LRRC56: variants seen among roughly 807,000 people sequenced by gnomAD.
The protein encoded by LRRC56 is leucine-rich repeat-containing protein 56.
In LRRC56, 41 loss-of-function variants were observed where a neutral mutation model predicts 47.8. The observed-to-expected ratio is 0.86, with a 90% CI of 0.67 to 1.11. The LOEUF (loss-of-function observed/expected upper bound fraction) is 1.11. LRRC56 is among the 50% of genes most tolerant of loss of function. The pLI, the probability that LRRC56 is intolerant of heterozygous loss-of-function variation, is 0.00. For synonymous variants in LRRC56, 387 were observed against 311.2 expected, an observed-to-expected ratio of 1.24 and a Z score of -2.56; for missense variants, 759 against 704.2, an observed-to-expected ratio of 1.08 and a Z score of -0.88.
chr11:510,367 C>T, the LRRC56 span, among the ~76,000 whole-genome samples: 214 of 151,982 alleles, frequency 1.4e-3, 3 homozygotes, highest in East Asian at 2.3e-3. Flanking sequence ...GTTGGGAGGC[C>T]GAGGCAGGCG....
the LRRC56 span, among the ~76,000 whole-genome samples, chr11:517,562 C>G: frequency 1.3e-5 from 2 of 150,338 alleles, no homozygotes; most frequent in Non-Finnish European, 3.0e-5. Context: ...TCTGCCCGGC[C>G]GTCCCATCTG....
At chr11:520,577 C>A in the LRRC56 span, among the ~76,000 whole-genome samples, 1 of 152,142 alleles carries the variant, frequency 6.6e-6, no homozygotes, top group Admixed American at 6.5e-5. Flanking sequence ...CCTCAGCCTC[C>A]CAAAGTCCTG....
chr11:541,446 C>T lies in LRRC56; in HGVS notation c.178-91C>T, dbSNP rs996975718. The T allele has an allele frequency of 5.8e-6, 4 of 693,496 alleles. No homozygotes were observed. The highest frequency in any genetic ancestry group is 6.4e-5 in the Admixed American group (2 of 31,048). 43.0% of individuals were successfully genotyped at this position (693,496 alleles called of 1,614,324 possible). A position where few individuals can be genotyped will look rare whatever the true frequency, so the allele number is the denominator to read the frequency against. ...AGGGAAACGTCGGTGCCTGCTCCAG[C>T]GGGAGCCCCAGAGTCCTGTAGCCAG... On this transcript the variant is annotated intron_variant, in intron 4 of 13. Transcript: ENST00000270115. The surrounding 1 kb of genome is among the most constrained non-coding windows in gnomAD (Gnocchi z 4.1).
chr11:527,938 G>A, the LRRC56 span, among the ~76,000 whole-genome samples: 1 of 152,042 alleles, frequency 6.6e-6, no homozygotes, highest in East Asian at 1.9e-4. Flanking sequence ...CTGACCTCAG[G>A]TGATCCGCCC....
the LRRC56 span, among the ~76,000 whole-genome samples, chr11:509,893 A>G: frequency 6.6e-6 from 1 of 151,622 alleles, no homozygotes; most frequent in African/African-American, 2.4e-5. Context: ...TCTTATTTTT[A>G]AACTTACTCA....
the LRRC56 span, among the ~76,000 whole-genome samples, chr11:526,607 G>C: frequency 4.6e-5 from 7 of 152,318 alleles, no homozygotes; most frequent in African/African-American, 1.7e-4. Flanking sequence ...ATATTCTTTA[G>C]CAGGTGAACA....
chr11:507,383 C>T, the LRRC56 span: 7 of 148,680 alleles, frequency 4.7e-5, no homozygotes, highest in East Asian at 1.4e-3. Flanking sequence ...AGTCTTGGCG[C>T]AGCGGCGGGG....
At chr11:524,644 T>A in the LRRC56 span, among the ~76,000 whole-genome samples, 17 of 151,400 alleles carry the variant, frequency 1.1e-4, no homozygotes, top group East Asian at 3.9e-4. Context: ...AAAAATAAAT[T>A]AATTAATTAA....
chr11:532,508 T>C, the LRRC56 span: 9 of 1,292,804 alleles, frequency 7.0e-6, no homozygotes, highest in South Asian at 6.6e-5. Flanking sequence ...GGCACCTCCA[T>C]GTCCTGAGCT....
In LRRC56 at chr11:554,260, GC is replaced by G; in HGVS notation, c.1617del (p.Val540SerfsTer140). ...AGGGCAGCTGAACTCTCTCACCCCA[GC>G]CCCGTCCCCACTTAATATAGCCCCC... ...PPRAAELSHPSPVPT is the reference protein window; with the variant it reads ...PPRAAELSHPXPVPT On this transcript the variant is annotated frameshift_variant, in exon 14 of 14. Coordinates refer to ENST00000270115, the MANE Select transcript of LRRC56 (RefSeq NM_198075.4). LOFTEE classifies it high-confidence loss of function. 6.7e-7 allele frequency: 1 copy of G among 1,494,812 alleles called. No individual in the cohort carries two copies. The allele number at this position is 1,494,812 out of a possible 1,614,324, so 92.6% of individuals were successfully genotyped here. A position where few individuals can be genotyped will look rare whatever the true frequency, so the allele number is the denominator to read the frequency against.
intron 5 of LRRC56, among the ~76,000 whole-genome samples, chr11:542,922 G>T (rs1433418458): frequency 1.3e-5 from 2 of 151,700 alleles, no homozygotes; most frequent in Admixed American, 1.3e-4. Context: ...TTGAGATGGA[G>T]TCTCATTCTG....
At position 550,198 on chromosome 11, in the gene LRRC56, T is replaced by C; in HGVS notation, c.550T>C (p.Cys184Arg). The change falls in exon 8 of 14, where the codon TGC (cysteine) becomes CGC (arginine). Residue 184 changes from cysteine (C) to arginine (R), a missense_variant. Cys to Arg is a radical substitution (Grantham distance 180, BLOSUM62 -3). Transcript: ENST00000270115. ...GGGGCAGGTGCGCTACTTGCAGCTG[T>C]GCCCACGCCTGGCCATGCTCACCCT... ...DLGQVRYLQL[C>R]PRLAMLTLEG... 1 of 1,612,748 alleles carries C rather than the reference T, an allele frequency of 6.2e-7. No homozygotes were observed. The highest frequency in any genetic ancestry group is 8.5e-7 in the Non-Finnish European group (1 of 1,179,728).
chr11:522,541 C>T, the LRRC56 span, among the ~76,000 whole-genome samples: 2 of 152,176 alleles, frequency 1.3e-5, no homozygotes, highest in African/African-American at 2.4e-5. Flanking sequence ...GCTGGGATTA[C>T]AGGCGTGAGC....
chr11:524,520 A>C, the LRRC56 span, among the ~76,000 whole-genome samples: 1 of 151,950 alleles, frequency 6.6e-6, no homozygotes, highest in East Asian at 1.9e-4. Flanking sequence ...AATCACAGCT[A>C]CTCGGGAGGC....
intron 13 of LRRC56, among the ~76,000 whole-genome samples, chr11:553,735 C>A (rs1024454519): frequency 2.6e-5 from 4 of 152,218 alleles, no homozygotes; most frequent in African/African-American, 9.7e-5. Flanking sequence ...GGGCCAGAAC[C>A]AGGCTTCGTG....
chr11:517,007 G>A, the LRRC56 span, among the ~76,000 whole-genome samples: 22 of 152,180 alleles, frequency 1.4e-4, no homozygotes, highest in African/African-American at 5.1e-4. Flanking sequence ...GCACCGCCAC[G>A]CCTGACTGGT....
chr11:539,467 C>T (rs961198421), intron 2 of LRRC56, 113 bp from the exon 3 acceptor site: 1 of 149,034 alleles, frequency 6.7e-6, no homozygotes, highest in African/African-American at 2.5e-5. Context: ...TCACTGCAAG[C>T]TCCGCCTCGC....
At chr11:508,833 C>G in the LRRC56 span, among the ~76,000 whole-genome samples, 1 of 151,852 alleles carries the variant, frequency 6.6e-6, no homozygotes, top group Non-Finnish European at 1.5e-5. Context: ...CACCTGAGGT[C>G]AGGAGTTCAA....
At chr11:516,608 T>TA in the LRRC56 span, among the ~76,000 whole-genome samples, 6 of 151,996 alleles carry the variant, frequency 3.9e-5, no homozygotes, top group African/African-American at 1.5e-4. Context: ...CAACATGAAA[T>TA]ATGAGCCAAT....
Sources: gnomAD v4.1 joint callset for allele counts (sites outside exome capture counted in the v4.1 genomes callset) on GRCh38, gnomAD v4.1.1 for gene constraint, Gnocchi (gnomAD v3.1) non-coding constraint, MANE v1.5 for transcripts, NCBI Gene and HGNC (gene_info 2026-07-23, HGNC 2026-07-21) for gene names.